DAB1: variants seen among roughly 807,000 people sequenced by gnomAD.
The protein encoded by DAB1 is DAB adaptor protein 1.
A neutral mutation model predicts 64.6 loss-of-function variants in DAB1; 15 were observed. The ratio of observed to expected loss-of-function variants is 0.23; its 90% CI spans 0.16 to 0.36. DAB1 has a LOEUF of 0.36. Among genes scored for constraint, DAB1 ranks in the 10% least tolerant of loss-of-function variants. The probability of loss-of-function intolerance (pLI) is 1.00; values close to 1 mark genes in which losing one functional copy is unlikely to be tolerated. For missense variants in DAB1, 596 were observed against 706.7 expected (o/e 0.84, Z 1.78); for synonymous variants, 235 against 251.9 (o/e 0.93, Z 0.64).
intron 4 of DAB1, among the ~76,000 whole-genome samples, chr1:58,260,214 C>A (rs989740404): frequency 1.3e-5 from 2 of 152,160 alleles, no homozygotes; most frequent in Non-Finnish European, 2.9e-5. Context: ...TATGTCCCCC[C>A]ACCAGAAGGT....
chr1:57,918,991 T>A (rs1283082503), intron 5 of DAB1, among the ~76,000 whole-genome samples: 1 of 151,444 alleles, frequency 6.6e-6, no homozygotes, highest in Non-Finnish European at 1.5e-5. Context: ...CCAAAAAAAA[T>A]TGGGTTTCAT....
At chr1:58,117,898 A>C (rs1431285634) in intron 5 of DAB1, among the ~76,000 whole-genome samples, 1 of 149,852 alleles carries the variant, frequency 6.7e-6, no homozygotes, top group Non-Finnish European at 1.5e-5. Context: ...GGGGGTACAG[A>C]CATTGCTCTT....
chr1:57,081,312 G>A (rs1652533243), intron 4 of DAB1, among the ~76,000 whole-genome samples: 1 of 152,208 alleles, frequency 6.6e-6, no homozygotes, highest in African/African-American at 2.4e-5. Context: ...TGGCAACTGA[G>A]TTTAAGGTTC....
chr1:57,185,192 T>C (rs1040124121), intron 2 of DAB1, among the ~76,000 whole-genome samples: 7 of 152,148 alleles, frequency 4.6e-5, no homozygotes, highest in African/African-American at 1.7e-4. Context: ...TCTGCAATTC[T>C]GCACAGTCCC....
chr1:57,808,865 G>C (rs1350533630), intron 6 of DAB1, among the ~76,000 whole-genome samples: 3 of 152,062 alleles, frequency 2.0e-5, no homozygotes, highest in Non-Finnish European at 1.5e-5. Context: ...TTTATCCTTT[G>C]CTGAACTCGG....
chr1:58,425,629 A>G (rs574680579), intron 3 of DAB1, among the ~76,000 whole-genome samples: 1 of 152,300 alleles, frequency 6.6e-6, no homozygotes, highest in South Asian at 2.1e-4. Flanking sequence ...AGCCAGGGAC[A>G]GAATCAGAAT....
chr1:57,053,170 T>A (rs1261096903), intron 9 of DAB1, among the ~76,000 whole-genome samples: 1 of 152,178 alleles, frequency 6.6e-6, no homozygotes, highest in African/African-American at 2.4e-5. Context: ...ACAAAGATCA[T>A]ACCCAAAGTG....
intron 7 of DAB1, among the ~76,000 whole-genome samples, chr1:57,557,845 C>G (rs529551470): frequency 6.6e-6 from 1 of 152,230 alleles, no homozygotes; most frequent in African/African-American, 2.4e-5. Flanking sequence ...GTTCAGTGGA[C>G]AAAGTGATGA....
chr1:57,633,015 C>G (rs1646008980), intron 7 of DAB1, among the ~76,000 whole-genome samples: 2 of 152,152 alleles, frequency 1.3e-5, no homozygotes, highest in South Asian at 4.2e-4. Context: ...CTAAAGCAGA[C>G]AGTAAGTATT....
chr1:57,345,639 G>T (rs540621219), intron 1 of DAB1, among the ~76,000 whole-genome samples: 1 of 152,274 alleles, frequency 6.6e-6, no homozygotes, highest in South Asian at 2.1e-4. Flanking sequence ...AGGAAAAAAA[G>T]ATTTAATAAA....
intron 5 of DAB1, among the ~76,000 whole-genome samples, chr1:58,082,554 A>T (rs1029553735): frequency 6.6e-6 from 1 of 152,168 alleles, no homozygotes; most frequent in Non-Finnish European, 1.5e-5. Flanking sequence ...GTGCAATGAG[A>T]GCCAATATGA....
At chr1:57,023,898 C>T (rs1053312621) in intron 10 of DAB1, among the ~76,000 whole-genome samples, 3 of 152,176 alleles carry the variant, frequency 2.0e-5, no homozygotes, top group African/African-American at 7.2e-5. Flanking sequence ...CGTGCATAGG[C>T]ATGTAGTAGG....
chr1:57,796,811 G>A (rs1192593095), intron 6 of DAB1, among the ~76,000 whole-genome samples: 1 of 152,012 alleles, frequency 6.6e-6, no homozygotes, highest in Non-Finnish European at 1.5e-5. Context: ...CCTCAGCTTG[G>A]TCTGATCCTG....
rs1037135533 is a variant in DAB1 at position 57,102,847 on chromosome 1, A to G, written c.307-30433T>C. 5.3e-5 allele frequency among the ~76,000 whole-genome samples: 8 copies of G among 152,228 alleles called. No homozygotes were observed. In the East Asian group the frequency reaches 1.5e-3, roughly 29 times the overall value. The stretch of plus-strand genomic sequence containing the variant: ...CACGTGTTTAAAGAGGCCAGAACAT[A>G]CTTGGGGCCTCCTGAAAACTGTCAG... On this transcript the variant is annotated intron_variant, in intron 4 of 14. Transcript: ENST00000371236.
chr1:57,599,343 A>T (rs1296453491), intron 7 of DAB1, among the ~76,000 whole-genome samples: 1 of 152,082 alleles, frequency 6.6e-6, no homozygotes, highest in East Asian at 1.9e-4. Context: ...CTGTTAGAGA[A>T]AAAAAGCACA....
chr1:58,080,857 T>C (rs551154132), intron 5 of DAB1, among the ~76,000 whole-genome samples: 79 of 152,346 alleles, frequency 5.2e-4, no homozygotes, highest in African/African-American at 1.8e-3. Flanking sequence ...TTTGCTATCA[T>C]ACAATTAACA....
In DAB1 at chr1:58,440,336, T is replaced by C. The variant is rs191747839; in HGVS notation, n.257+65724A>G. 1.5e-3 allele frequency among the ~76,000 whole-genome samples: 226 copies of C among 152,290 alleles called. 1 individual carries two copies. The highest frequency in any genetic ancestry group is 5.3e-3 in the African/African-American group (219 of 41,562). On this transcript the variant is annotated intron_variant and non_coding_transcript_variant, in intron 3 of 20. Coordinates refer to the DAB1 transcript ENST00000485760. ...TGAGCTTACAGAGATGCCTAGCTCA[T>C]AGCTTAAAGGAACAGTTCAACGAGC...
At position 57,452,157 on chromosome 1, in the gene DAB1, G is replaced by GCCCCC. The variant is rs1477319468; in HGVS notation, n.626-160992_626-160991insGGGGG. On this transcript the variant is annotated intron_variant and non_coding_transcript_variant, in intron 7 of 20. Transcript: ENST00000485760. ...AGAGCTTAGGATTTAGTCTCTCTCT[G>GCCCCC]CACCCCCCCTTTTTTTTTTTTTTTT... Among the ~76,000 whole-genome samples, 8 of 110,240 alleles carry GCCCCC rather than the reference G, an allele frequency of 7.3e-5. 1 individual carries two copies. The highest frequency in any genetic ancestry group is 2.7e-4 in the African/African-American group (7 of 25,604). 72.3% of individuals were successfully genotyped at this position (110,240 alleles called of 152,430 possible).
At chr1:57,985,018 C>T (rs1646178699) in intron 5 of DAB1, among the ~76,000 whole-genome samples, 1 of 152,082 alleles carries the variant, frequency 6.6e-6, no homozygotes, top group African/African-American at 2.4e-5. Context: ...AGGTGATTCT[C>T]CTGCCTCACC....
Sources: gnomAD v4.1 joint callset for allele counts (sites outside exome capture counted in the v4.1 genomes callset) on GRCh38, gnomAD v4.1.1 for gene constraint, MANE v1.5 for transcripts, NCBI Gene and HGNC (gene_info 2026-07-23, HGNC 2026-07-21) for gene names.